The following CDH9 variants were observed in gnomAD, a reference collection of about 807,000 sequenced individuals.
The protein encoded by CDH9 is cadherin 9.
Under a neutral mutation model 70.9 loss-of-function variants are expected in CDH9, and 28 were observed. The ratio of observed to expected loss-of-function variants is 0.40; its 90% CI spans 0.29 to 0.54. CDH9 has a LOEUF of 0.54. Ranked by LOEUF, CDH9 falls within the 20% of genes least tolerant of loss-of-function variation. The pLI, the probability that CDH9 is intolerant of heterozygous loss-of-function variation, is 0.59. For missense variants in CDH9, 874 were observed against 984.4 expected, an observed-to-expected ratio of 0.89 and a Z score of 1.50; for synonymous variants, 409 against 343.1, an observed-to-expected ratio of 1.19 and a Z score of -2.12.
chr5:26,903,821 G>A lies in CDH9; in HGVS notation c.815C>T (p.Thr272Met), dbSNP rs183180776. 4.5e-5 allele frequency: 69 copies of A among 1,521,024 alleles called. 1 individual carries two copies. Among genetic ancestry groups the A allele is most frequent in the Admixed American group, 3.9e-4 (18 of 46,420 alleles). The allele number at this position is 1,521,024 out of a possible 1,614,324, so 94.2% of individuals were successfully genotyped here. ...NNNPPRFPQS[T>M]YQFNSPESVP... is the part of the protein sequence containing the mutation. ...AGACTCAGGAGAATTAAATTGATAC[G>A]TACCTATAAATTAAGTAAGAGCTGT... The change falls in exon 6 of 12, where the codon ACG (threonine) becomes ATG (methionine). Residue 272 changes from threonine to methionine, a missense_variant. By Grantham distance (81) the Thr-to-Met change is moderately conservative. Transcript: ENST00000231021.
At chr5:27,016,461 AT>A (rs1743048407) in intron 1 of CDH9, among the ~76,000 whole-genome samples, 1 of 151,850 alleles carries the variant, frequency 6.6e-6, no homozygotes, top group African/African-American at 2.4e-5. Context: ...CACTTTTCCA[AT>A]ATGCTTAAAA....
At chr5:26,999,539 G>T (rs546781729) in intron 1 of CDH9, among the ~76,000 whole-genome samples, 1 of 152,192 alleles carries the variant, frequency 6.6e-6, no homozygotes, top group South Asian at 2.1e-4. Context: ...AGACGATAGG[G>T]TCATTAAATA....
At chr5:27,002,470 CG>C (rs1742787761) in intron 1 of CDH9, among the ~76,000 whole-genome samples, 2 of 152,020 alleles carry the variant, frequency 1.3e-5, no homozygotes, top group African/African-American at 2.4e-5. Context: ...CACATGCACA[CG>C]TATGTTTATT....
rs573083388 is a variant in CDH9 at position 26,965,534 on chromosome 5, C to T, written c.228+22572G>A. Among the ~76,000 whole-genome samples, 44 of 150,900 alleles carry T rather than the reference C, an allele frequency of 2.9e-4. 1 individual carries two copies. In the South Asian group the frequency reaches 8.8e-3, roughly 30 times the overall value. ...GAGGTTACAGTGAGTGGAGATCATG[C>T]CATTGGAATCCAGCGTGCATGACAG... On this transcript the variant is annotated intron_variant, in intron 2 of 11. Transcript: ENST00000231021.
intron 3 of CDH9, among the ~76,000 whole-genome samples, chr5:26,910,219 T>TCATC (rs1475405911): frequency 8.8e-6 from 1 of 113,132 alleles, no homozygotes; most frequent in African/African-American, 3.3e-5. Context: ...CTCGTATCTA[T>TCATC]CATCCATCTA....
At position 27,013,249 on chromosome 5, in the gene CDH9, T is replaced by G. The variant is rs568444446; in HGVS notation, c.-49-24867A>C. Reference sequence around the variant, plus strand: ...ACTTTAAGGCACTTTTTTAGTTTAATTAGTCAAATATTTTCTTTTCCTGAC... The same window carrying G: ...ACTTTAAGGCACTTTTTTAGTTTAAGTAGTCAAATATTTTCTTTTCCTGAC... On this transcript the variant is annotated intron_variant, in intron 1 of 11. Transcript: ENST00000231021. Among the ~76,000 whole-genome samples the G allele has an allele frequency of 2.6e-5, 4 of 152,066 alleles. No homozygotes were observed. The Admixed American group carries it at 2.6e-4, about 10-fold the overall frequency.
chr5:27,005,251 T>C (rs1009954450), intron 1 of CDH9, among the ~76,000 whole-genome samples: 4 of 152,008 alleles, frequency 2.6e-5, no homozygotes, highest in African/African-American at 9.7e-5. Context: ...TTCTAGAAAG[T>C]TTCTTAAGAA....
At chr5:26,957,022 A>G (rs1489200974) in intron 2 of CDH9, among the ~76,000 whole-genome samples, 1 of 128,180 alleles carries the variant, frequency 7.8e-6, no homozygotes, top group Non-Finnish European at 1.7e-5. Flanking sequence ...TTTTCATTTC[A>G]CTTTGGCCAT....
At chr5:26,992,109 G>A (rs371840028) in intron 1 of CDH9, among the ~76,000 whole-genome samples, 5 of 152,076 alleles carry the variant, frequency 3.3e-5, no homozygotes, top group South Asian at 2.1e-4. Context: ...TCCCTTGCAC[G>A]CCCAGCTCAC....
rs866075314 is a variant in CDH9 at position 26,890,533 on chromosome 5, G to A, written c.1285C>T (p.Arg429Cys). The part of the protein sequence containing the change: ...YSVDRHTDMD[R>C]IFGIHSENGS... ...TTTTCTGAGTGAATACCAAAAATAC[G>A]GTCCATATCAGTATGCCGATCAACA... The change falls in exon 8 of 12, where the codon CGT becomes TGT. Residue 429 changes from arginine to cysteine, a missense_variant. Physicochemically the swap from Arg to Cys is radical, Grantham distance 180 (BLOSUM62 -3). Transcript: ENST00000231021. 2.5e-6 allele frequency: 4 copies of A among 1,605,978 alleles called. No homozygotes were observed. The highest frequency in any genetic ancestry group is 3.4e-6 in the Non-Finnish European group (4 of 1,172,732).
In CDH9 at chr5:26,914,479, A is replaced by T. The variant is rs903459041; in HGVS notation, c.523+1151T>A. On this transcript the variant is annotated intron_variant, in intron 3 of 11. Coordinates refer to ENST00000231021, the MANE Select transcript of CDH9 (RefSeq NM_016279.4). Reference sequence around the variant, plus strand: ...TCATTTTTTGTATTAGAGCTTTATGATTTCACAGGACTCCTGTCTAATTTG... The same window carrying T: ...TCATTTTTTGTATTAGAGCTTTATGTTTTCACAGGACTCCTGTCTAATTTG... Among the ~76,000 whole-genome samples the T allele has an allele frequency of 4.6e-5, 7 of 152,108 alleles. No individual in the cohort carries two copies. In the East Asian group the frequency reaches 1.2e-3, roughly 25 times the overall value.
intron 2 of CDH9, among the ~76,000 whole-genome samples, chr5:26,986,732 C>CA (rs1288472385): frequency 6.6e-6 from 1 of 151,888 alleles, no homozygotes; most frequent in Non-Finnish European, 1.5e-5. Flanking sequence ...CATCCTTAGA[C>CA]AAAAAACATT....
chr5:26,931,307 A>G (rs912576049), intron 2 of CDH9, among the ~76,000 whole-genome samples: 36 of 152,266 alleles, frequency 2.4e-4, no homozygotes, highest in African/African-American at 8.4e-4. Context: ...GGCAGAGTAC[A>G]AAGGGAAAAG....
chr5:26,996,219 AT>A, intron 1 of CDH9, among the ~76,000 whole-genome samples: 1 of 152,158 alleles, frequency 6.6e-6, no homozygotes, highest in Non-Finnish European at 1.5e-5. Flanking sequence ...TTTGTGATTA[AT>A]TTTAATATTA....
intron 1 of CDH9, among the ~76,000 whole-genome samples, chr5:27,019,038 G>A (rs554598235): frequency 5.9e-4 from 90 of 152,030 alleles, no homozygotes; most frequent in Non-Finnish European, 9.7e-4. Flanking sequence ...TAAACAAGAG[G>A]AACCTAATTT....
At chr5:26,978,601 T>C (rs148140554) in intron 2 of CDH9, among the ~76,000 whole-genome samples, 593 of 151,648 alleles carry the variant, frequency 3.9e-3, no homozygotes, top group Non-Finnish European at 6.6e-3. Flanking sequence ...TAAATGCTCA[T>C]TTAATTTTAA....
intron 1 of CDH9, among the ~76,000 whole-genome samples, chr5:27,022,499 C>T (rs182087540): frequency 3.3e-5 from 5 of 152,012 alleles, no homozygotes; most frequent in Admixed American, 1.3e-4. Context: ...ACATATATAA[C>T]GAGTTCAGTC....
At chr5:27,000,968 G>A (rs894571285) in intron 1 of CDH9, among the ~76,000 whole-genome samples, 2 of 152,082 alleles carry the variant, frequency 1.3e-5, no homozygotes, top group African/African-American at 2.4e-5. Flanking sequence ...AGACAAGAAG[G>A]ATGAACAGGT....
chr5:26,932,726 T>C (rs1298530123), intron 2 of CDH9, among the ~76,000 whole-genome samples: 1 of 152,054 alleles, frequency 6.6e-6, no homozygotes, highest in Non-Finnish European at 1.5e-5. Context: ...CATTTGTATA[T>C]TTAGACTATT....
Sources: gnomAD v4.1 joint callset for allele counts (sites outside exome capture counted in the v4.1 genomes callset) on GRCh38, gnomAD v4.1.1 for gene constraint, MANE v1.5 for transcripts, NCBI Gene and HGNC (gene_info 2026-07-23, HGNC 2026-07-21) for gene names.